Variants in HFM1 observed in about 807,000 individuals in gnomAD.
HFM1 encodes probable ATP-dependent DNA helicase HFM1.
A neutral mutation model predicts 192.1 loss-of-function variants in HFM1; 169 were observed. That is an observed-to-expected ratio of 0.88 (90% CI 0.78 to 1.00). The LOEUF (loss-of-function observed/expected upper bound fraction) is 1.00, where lower values mean the gene tolerates loss of function less well. HFM1 is among the 50% of genes least tolerant of loss of function. The probability of loss-of-function intolerance (pLI) is 0.00; values close to 1 mark genes in which losing one functional copy is unlikely to be tolerated. For synonymous variants in HFM1, 525 were observed against 537.8 expected (o/e 0.98, Z 0.33); for missense variants, 1,661 against 1,668.0 (o/e 1.00, Z 0.07).
chr1:91,298,651 G>C (rs1396033725), intron 30 of HFM1, among the ~76,000 whole-genome samples: 1 of 152,170 alleles, frequency 6.6e-6, no homozygotes, highest in African/African-American at 2.4e-5. Context: ...TTAAAGAAAA[G>C]AATTTTCAAC....
At chr1:91,349,160 G>A (rs1377700489) in intron 18 of HFM1, among the ~76,000 whole-genome samples, 10 of 151,974 alleles carry the variant, frequency 6.6e-5, no homozygotes, top group Non-Finnish European at 1.0e-4. Context: ...GTGGTGGTGC[G>A]TGCCTGTAGT....
intron 30 of HFM1, among the ~76,000 whole-genome samples, chr1:91,292,281 A>G (rs1037281827): frequency 3.5e-5 from 4 of 114,180 alleles, no homozygotes; most frequent in Non-Finnish European, 7.1e-5. Flanking sequence ...TGCAGATGAC[A>G]TGATTGTATA....
intron 20 of HFM1, among the ~76,000 whole-genome samples, chr1:91,326,143 T>C (rs997303617): frequency 1.3e-5 from 2 of 152,172 alleles, no homozygotes; most frequent in Admixed American, 6.5e-5. Context: ...AGGGCAAATC[T>C]AAGAGTTATT....
At chr1:91,334,734 G>A (rs1050505628) in intron 20 of HFM1, among the ~76,000 whole-genome samples, 1 of 152,044 alleles carries the variant, frequency 6.6e-6, no homozygotes, top group African/African-American at 2.4e-5. Context: ...TTCGAGACCA[G>A]CCTGGTCAAG....
At chr1:91,353,652 C>CAAA (rs1553213572) in intron 13 of HFM1, among the ~76,000 whole-genome samples, 80 of 65,424 alleles carry the variant, frequency 1.2e-3, no homozygotes, top group African/African-American at 3.8e-3. Flanking sequence ...AGTAAATAAG[C>CAAA]AAAAAAAAAA....
chr1:91,288,953 C>T (rs1221209405), intron 30 of HFM1, among the ~76,000 whole-genome samples: 4 of 144,934 alleles, frequency 2.8e-5, no homozygotes, highest in Non-Finnish European at 4.6e-5. Flanking sequence ...ACGGGCCGGC[C>T]GGGCAGAGGC....
intron 2 of HFM1, among the ~76,000 whole-genome samples, chr1:91,397,084 C>T (rs1246199991): frequency 1.3e-5 from 2 of 152,224 alleles, no homozygotes; most frequent in Non-Finnish European, 2.9e-5. Context: ...CCGAAACCAT[C>T]TGTGGAAAAA....
intron 4 of HFM1, among the ~76,000 whole-genome samples, chr1:91,389,145 T>C (rs1367451087): frequency 1.4e-5 from 2 of 146,626 alleles, no homozygotes; most frequent in African/African-American, 5.1e-5. Context: ...TTTTTTTTTT[T>C]TTTTTTTTTG....
intron 13 of HFM1, among the ~76,000 whole-genome samples, chr1:91,354,955 G>A (rs1657515279): frequency 1.3e-5 from 2 of 152,134 alleles, no homozygotes; most frequent in Non-Finnish European, 1.5e-5. Context: ...TGCCACCACT[G>A]TAATGGTGGT....
intron 25 of HFM1, among the ~76,000 whole-genome samples, chr1:91,317,375 T>C (rs1651417361): frequency 6.6e-6 from 1 of 152,110 alleles, no homozygotes; most frequent in Non-Finnish European, 1.5e-5. Context: ...GATCGTGCCA[T>C]TGTACTCTAG....
chr1:91,406,093 C>G (rs1664794914), upstream of HFM1, among the ~76,000 whole-genome samples: 1 of 152,192 alleles, frequency 6.6e-6, no homozygotes, highest in African/African-American at 2.4e-5. Context: ...GGATTGTGCC[C>G]TTTTAAGAGG....
In HFM1 at chr1:91,280,963, C is replaced by G. The variant is rs1045960500; in HGVS notation, c.3392-3901G>C. ...GCTTAGGGACTGGTTGACCATGTGA[C>G]CATATAGAACCTTCTAGGGGATGCT... On this transcript the variant is annotated intron_variant, in intron 30 of 38. Coordinates refer to ENST00000370425, the MANE Select transcript of HFM1 (RefSeq NM_001017975.6). 2.4e-4 allele frequency among the ~76,000 whole-genome samples: 36 copies of G among 152,138 alleles called. 1 individual carries two copies. The highest frequency in any genetic ancestry group is 8.7e-4 in the African/African-American group (36 of 41,424).
At chr1:91,300,378 C>A (rs1332078388) in intron 30 of HFM1, among the ~76,000 whole-genome samples, 5 of 152,304 alleles carry the variant, frequency 3.3e-5, no homozygotes, top group Admixed American at 2.6e-4. Context: ...GGTACCATTC[C>A]TTCTGAAACT....
At chr1:91,390,552 C>T (rs1326851152) in intron 4 of HFM1, among the ~76,000 whole-genome samples, 1 of 152,060 alleles carries the variant, frequency 6.6e-6, no homozygotes, top group Non-Finnish European at 1.5e-5. Context: ...ATATTAAGTG[C>T]AGCCATTCAT....
intron 30 of HFM1, among the ~76,000 whole-genome samples, chr1:91,283,070 T>C (rs1667609137): frequency 6.6e-6 from 1 of 152,180 alleles, no homozygotes; most frequent in Non-Finnish European, 1.5e-5. Context: ...GGATACTACC[T>C]GACGAAATCT....
At chr1:91,370,589 C>T (rs1197712476) in intron 13 of HFM1, among the ~76,000 whole-genome samples, 1 of 152,102 alleles carries the variant, frequency 6.6e-6, no homozygotes, top group East Asian at 1.9e-4. Flanking sequence ...TTGGATGTAT[C>T]TCAAAATAAT....
intron 36 of HFM1, among the ~76,000 whole-genome samples, chr1:91,262,946 GT>G (rs1665304685): frequency 6.6e-6 from 1 of 151,704 alleles, no homozygotes; most frequent in African/African-American, 2.4e-5. Context: ...CTCTATTCTG[GT>G]CTCATTGTAG....
In HFM1 at chr1:91,326,722, T is replaced by C. The variant is rs1240080713; in HGVS notation, c.2336-1956A>G. Reference sequence around the variant, plus strand: ...TAAGCACACAGAAAAACACAGAATATTATAACACTGTAATTGTGGTGTGTA... The same window carrying C: ...TAAGCACACAGAAAAACACAGAATACTATAACACTGTAATTGTGGTGTGTA... On this transcript the variant is annotated intron_variant, in intron 20 of 38. Transcript: ENST00000370425. Among the ~76,000 whole-genome samples, 5 of 152,152 alleles carry C rather than the reference T, an allele frequency of 3.3e-5. 1 individual carries two copies. Among genetic ancestry groups the C allele is most frequent in the Admixed American group, 3.3e-4 (5 of 15,278 alleles).
At chr1:91,338,961 G>A (rs1337181715) in intron 20 of HFM1, 3 of 455,650 alleles carry the variant, frequency 6.6e-6, no homozygotes, top group Non-Finnish European at 1.3e-5. Context: ...TAACCTCGAG[G>A]GGCCAGCAAA....
Sources: allele counts gnomAD v4.1 joint callset (sites outside exome capture counted in the v4.1 genomes callset), GRCh38; gene constraint gnomAD v4.1.1; transcripts MANE v1.5; gene names NCBI Gene and HGNC (gene_info 2026-07-23, HGNC 2026-07-21).